CLCA1: variants seen among roughly 807,000 people sequenced by gnomAD.
CLCA1 encodes chloride channel accessory 1.
In CLCA1, 59 loss-of-function variants were observed where a neutral mutation model predicts 85.6. The observed-to-expected ratio is 0.69, with a 90% CI of 0.56 to 0.86. The LOEUF (loss-of-function observed/expected upper bound fraction) is 0.86. Among genes scored for constraint, CLCA1 ranks in the 40% least tolerant of loss-of-function variants. The pLI, the probability that CLCA1 is intolerant of heterozygous loss-of-function variation, is 0.00. For synonymous variants in CLCA1, 396 were observed against 398.3 expected (o/e 0.99, Z 0.07); for missense variants, 1,022 against 1,101.4 (o/e 0.93, Z 1.02).
chr1:86,499,920 A>G lies in CLCA1; in HGVS notation c.2620A>G (p.Thr874Ala), dbSNP rs537815647. The change falls in exon 14 of 14, where the codon ACA (threonine) becomes GCA (alanine). Residue 874 changes from threonine (T) to alanine (A), a missense_variant. Transcript: ENST00000394711. ...TATTCCTCCACAGACTCCGCCAGAG[A>G]CACCTAGTCCTGATGAAACGTCTGC... ...LFIPPQTPPE[T>A]PSPDETSAPC... 1.9e-5 allele frequency: 30 copies of G among 1,613,928 alleles called. No homozygotes were observed. In the South Asian group the frequency reaches 3.0e-4, roughly 16 times the overall value.
intron 4 of CLCA1, among the ~76,000 whole-genome samples, chr1:86,478,456 A>G (rs1258870418): frequency 6.6e-6 from 1 of 152,112 alleles, no homozygotes; most frequent in Non-Finnish European, 1.5e-5. Context: ...AGAGAGAGAC[A>G]TCAAGTGCAC....
intron 3 of CLCA1, among the ~76,000 whole-genome samples, chr1:86,475,094 T>C (rs1465445052): frequency 1.3e-5 from 2 of 152,202 alleles, no homozygotes; most frequent in Non-Finnish European, 1.5e-5. Flanking sequence ...ATTCTCAATG[T>C]ATGACTCAAC....
intron 11 of CLCA1, 102 bp downstream of exon 11, chr1:86,494,550 G>A: frequency 8.1e-7 from 1 of 1,232,514 alleles, no homozygotes. Context: ...GACAGGCAAG[G>A]CAGCACAGCA....
In CLCA1 at chr1:86,499,745, C is replaced by T. The variant is rs1290624851; in HGVS notation, c.2445C>T (p.Ile815=). The change falls in exon 14 of 14, where the codon ATC becomes ATT. Residue 815 remains isoleucine, a synonymous_variant. Coordinates refer to ENST00000394711, the MANE Select transcript of CLCA1 (RefSeq NM_001285.4). ...ESLQVNTTAL[I]PKEANSEEVF... ...TTCAAGTGAATACTACTGCTCTCATCCCAAAGGAAGCCAACTCTGAGGAAG... is the reference window on the plus strand; with the variant it reads ...TTCAAGTGAATACTACTGCTCTCATTCCAAAGGAAGCCAACTCTGAGGAAG... 6 of 1,611,874 alleles carry T rather than the reference C, an allele frequency of 3.7e-6. No homozygotes were observed. The highest frequency in any genetic ancestry group is 5.1e-6 in the Non-Finnish European group (6 of 1,178,138).
At chr1:86,474,554 A>AG (rs1491568867) in intron 3 of CLCA1, among the ~76,000 whole-genome samples, 7 of 94,708 alleles carry the variant, frequency 7.4e-5, no homozygotes, top group African/African-American at 3.1e-4. Context: ...ACTCCGTATC[A>AG]AAAAAAAAAA....
chr1:86,498,645 C>T lies in CLCA1; in HGVS notation c.2187C>T (p.Ser729=), dbSNP rs1558148772. Residue 729 remains serine, a synonymous_variant, in exon 13 of 14, where the codon AGC becomes AGT. Transcript: ENST00000394711. ...TTCAACACAAGCAAGTGTGTTTCAG[C>T]AGAACATCCTCGGGAGGCTCATTTG... ...DDVQHKQVCF[S]RTSSGGSFVA... is the part of the protein sequence containing the mutation. The T allele has an allele frequency of 6.2e-7, 1 of 1,613,864 alleles. No individual in the cohort carries two copies. The highest frequency in any genetic ancestry group is 8.5e-7 in the Non-Finnish European group (1 of 1,179,964).
chr1:86,482,390 C>A lies in CLCA1; in HGVS notation c.735+8C>A, dbSNP rs1483969424. ...GCACAACATGTTGATTCTGTAAGTA[C>A]CTTGTTCTCACCCCCTCCCCCAGAT... On this transcript the variant is annotated splice_region_variant and intron_variant, in intron 5 of 13. Coordinates refer to ENST00000394711, the MANE Select transcript of CLCA1 (RefSeq NM_001285.4). The A allele has an allele frequency of 6.2e-7, 1 of 1,610,018 alleles. No individual in the cohort carries two copies. The highest frequency in any genetic ancestry group is 8.5e-7 in the Non-Finnish European group (1 of 1,177,714).
At chr1:86,470,518 A>G (rs1241546304) in intron 1 of CLCA1, among the ~76,000 whole-genome samples, 4 of 152,214 alleles carry the variant, frequency 2.6e-5, no homozygotes, top group Admixed American at 1.3e-4. Flanking sequence ...TGACCGTGGT[A>G]ATTTGTATCT....
Position 86,476,572 on chromosome 1 carries a change from A to C in CLCA1, c.557+19A>C. ...CAGTAAGGTATGTATATTTTGATTT[A>C]ACTTGTTCCAAACTATTTTAAATTG... On this transcript the variant is annotated intron_variant, in intron 4 of 13. Transcript: ENST00000394711. The C allele has an allele frequency of 8.0e-7, 1 of 1,251,544 alleles. No homozygotes were observed. Among genetic ancestry groups the C allele is most frequent in the Non-Finnish European group, 1.2e-6 (1 of 861,194 alleles). The allele number at this position is 1,251,544 out of a possible 1,614,324, so 77.5% of individuals were successfully genotyped here.
At chr1:86,491,019 G>T (rs1004720856) in intron 8 of CLCA1, among the ~76,000 whole-genome samples, 1 of 152,016 alleles carries the variant, frequency 6.6e-6, no homozygotes, top group Non-Finnish European at 1.5e-5. Context: ...AGGTTGCAGT[G>T]AGCCAGGATC....
In CLCA1 at chr1:86,494,465, T is replaced by C. The variant is rs773925289; in HGVS notation, c.1942+17T>C. ...ATGGAGCAGGTAATCACCCAAGAAA[T>C]TGGAAGATATTTATTTCTTTTTCCA... On this transcript the variant is annotated intron_variant, in intron 11 of 13. Coordinates refer to ENST00000394711, the MANE Select transcript of CLCA1 (RefSeq NM_001285.4). 8 of 1,611,348 alleles carry C rather than the reference T, an allele frequency of 5.0e-6. No individual in the cohort carries two copies. In the African/African-American group the frequency reaches 6.7e-5, roughly 13 times the overall value.
chr1:86,479,080 G>T (rs1647751624), intron 4 of CLCA1, among the ~76,000 whole-genome samples: 1 of 152,196 alleles, frequency 6.6e-6, no homozygotes, highest in African/African-American at 2.4e-5. Flanking sequence ...AAGATGGAAA[G>T]GAAGAGAGAA....
chr1:86,498,155 A>AAAGGTAGGAAGGAAGG (rs1648347716), intron 12 of CLCA1, among the ~76,000 whole-genome samples: 1 of 125,952 alleles, frequency 7.9e-6, no homozygotes, highest in Non-Finnish European at 1.7e-5. Context: ...AAAAACAAAG[A>AAAGGTAGGAAGGAAGG]AAGGAAGGAA....
At chr1:86,481,508 C>A (rs556710556) in intron 4 of CLCA1, among the ~76,000 whole-genome samples, 127 of 151,994 alleles carry the variant, frequency 8.4e-4, no homozygotes, top group African/African-American at 2.9e-3. Context: ...AAGCAGGAAA[C>A]AAAGCTATCT....
intron 5 of CLCA1, among the ~76,000 whole-genome samples, chr1:86,483,276 G>T (rs113038048): frequency 1.2e-3 from 183 of 152,256 alleles, no homozygotes; most frequent in African/African-American, 4.1e-3. Flanking sequence ...AGGTGTGGAA[G>T]CCTCTGCCTG....
chr1:86,490,915 A>T (rs143479598), intron 8 of CLCA1, among the ~76,000 whole-genome samples: 7 of 147,938 alleles, frequency 4.7e-5, no homozygotes, highest in Non-Finnish European at 7.4e-5. Context: ...AAAAAAAAAA[A>T]AAAAAAATAC....
intron 4 of CLCA1, among the ~76,000 whole-genome samples, chr1:86,481,333 T>C (rs1647814976): frequency 6.6e-6 from 1 of 151,916 alleles, no homozygotes; most frequent in South Asian, 2.1e-4. Flanking sequence ...AGAGTTGGGT[T>C]TCGCCATGTT....
At chr1:86,474,280 A>G (rs1425126265) in intron 3 of CLCA1, among the ~76,000 whole-genome samples, 3 of 152,246 alleles carry the variant, frequency 2.0e-5, no homozygotes, top group Non-Finnish European at 4.4e-5. Context: ...TTCAAATTAT[A>G]TATGAATCTT....
At chr1:86,482,889 AT>A (rs1263516473) in intron 5 of CLCA1, among the ~76,000 whole-genome samples, 4 of 152,254 alleles carry the variant, frequency 2.6e-5, no homozygotes, top group Non-Finnish European at 4.4e-5. Flanking sequence ...AAAATTCTTA[AT>A]TTTTTTAATG....
Sources: allele counts gnomAD v4.1 joint callset (sites outside exome capture counted in the v4.1 genomes callset), GRCh38; gene constraint gnomAD v4.1.1; transcripts MANE v1.5; gene names NCBI Gene and HGNC (gene_info 2026-07-23, HGNC 2026-07-21).